EVC2: variants seen among roughly 807,000 people sequenced by gnomAD.
EVC2 encodes limbin.
In EVC2, 148 loss-of-function variants were observed where a neutral mutation model predicts 149.3. The ratio of observed to expected loss-of-function variants is 0.99; its 90% CI spans 0.87 to 1.14. The LOEUF is 1.14. Among genes scored for constraint, EVC2 ranks in the 50% most tolerant of loss-of-function variants. EVC2 has a pLI of 0.00. For missense variants in EVC2, 1,854 were observed against 1,627.3 expected, an observed-to-expected ratio of 1.14 and a Z score of -2.40; for synonymous variants, 776 against 649.9, an observed-to-expected ratio of 1.19 and a Z score of -2.95.
At chr4:5,547,693 C>T (rs1721648246) in intron 21 of EVC2, among the ~76,000 whole-genome samples, 1 of 152,192 alleles carries the variant, frequency 6.6e-6, no homozygotes, top group African/African-American at 2.4e-5. Context: ...CTTCACCTTG[C>T]TTACCCTCCA....
At position 5,618,873 on chromosome 4, in the gene EVC2, T is replaced by A. The variant is rs1715476929; in HGVS notation, c.2502-191A>T. Among the ~76,000 whole-genome samples, 1 of 152,208 alleles carries A rather than the reference T, an allele frequency of 6.6e-6. No individual in the cohort carries two copies. The highest frequency in any genetic ancestry group is 2.4e-5 in the African/African-American group (1 of 41,458). ...ATGCATGTCGTGCTGCATAGGACAT[T>A]GTATTGGAGCTAGGAATGAGAGCTG... On this transcript the variant is annotated intron_variant, in intron 14 of 21. Coordinates refer to ENST00000344408, the MANE Select transcript of EVC2 (RefSeq NM_147127.5). This position sits in a 1 kb window ranked among gnomAD's most constrained non-coding sequence, Gnocchi z 4.4.
At chr4:5,664,887 G>A (rs990186014) in intron 8 of EVC2, among the ~76,000 whole-genome samples, 3 of 151,618 alleles carry the variant, frequency 2.0e-5, no homozygotes, top group African/African-American at 4.9e-5. Flanking sequence ...CTGCGTGTGG[G>A]TGATGGGGTA....
chr4:5,542,953 C>G (rs1721543086), intron 22 of EVC2: 2 of 372,894 alleles, frequency 5.4e-6, no homozygotes, highest in Non-Finnish European at 1.0e-5. Flanking sequence ...TTTCTCTGCC[C>G]TGCAATGTAA....
chr4:5,625,744 T>C lies in EVC2; in HGVS notation c.2046+5A>G, dbSNP rs6850875. 19,819 of 1,614,128 alleles carry C rather than the reference T, an allele frequency of 0.012. 1,875 individuals are homozygous for C. In the African/African-American group the frequency reaches 0.22, roughly 18 times the overall value. On this transcript the variant is annotated splice_donor_5th_base_variant and intron_variant, in intron 13 of 21. Coordinates refer to ENST00000344408, the MANE Select transcript of EVC2 (RefSeq NM_147127.5). The surrounding 1 kb of genome is among the most constrained non-coding windows in gnomAD (Gnocchi z 4.0). ...AAAGAATAAATAGCATCATGCCTTA[T>C]ATACCTTTTGTAGCAACTCTCGTCT...
Position 5,584,767 on chromosome 4 carries a change from C to A in EVC2, c.2913G>T (p.Gln971His). The A allele has an allele frequency of 1.9e-6, 3 of 1,614,198 alleles. No individual in the cohort carries two copies. Among genetic ancestry groups the A allele is most frequent in the Non-Finnish European group, 2.5e-6 (3 of 1,180,036 alleles). ...CGGTCACCCGGGACGCCTTCTGGAA[C>A]TGCAGAGCAACAAGCGACTGTGCAA... ...GGFAQSLVAL[Q>H]FQKASRVTET... Residue 971 changes from glutamine to histidine, a missense_variant, in exon 17 of 22, where the codon CAG (glutamine) becomes CAT (histidine). By Grantham distance (24) the Gln-to-His change is conservative (BLOSUM62 0). Coordinates refer to ENST00000344408, the MANE Select transcript of EVC2 (RefSeq NM_147127.5).
chr4:5,596,098 A>G (rs1713385058), intron 16 of EVC2, among the ~76,000 whole-genome samples: 1 of 152,250 alleles, frequency 6.6e-6, no homozygotes, highest in African/African-American at 2.4e-5. Context: ...AAAGAGACTT[A>G]GACTCCCACA....
At position 5,649,433 on chromosome 4, in the gene EVC2, T is replaced by C. The variant is rs558088618; in HGVS notation, c.1146-8595A>G. 2.0e-5 allele frequency among the ~76,000 whole-genome samples: 3 copies of C among 152,292 alleles called. No homozygotes were observed. The South Asian group carries it at 6.2e-4, about 32-fold the overall frequency. The stretch of plus-strand genomic sequence containing the variant: ...AAGGGAAACAGTACCGCTTAAATTA[T>C]CCAAAAACTGATTAATATTTTGATT... On this transcript the variant is annotated intron_variant, in intron 9 of 21. Transcript: ENST00000344408.
chr4:5,586,785 A>G (rs868020769), intron 16 of EVC2, among the ~76,000 whole-genome samples: 13 of 152,306 alleles, frequency 8.5e-5, no homozygotes, highest in East Asian at 1.9e-4. Flanking sequence ...GGACCAAACC[A>G]ATGTACATCT....
chr4:5,618,210 C>T lies in EVC2; in HGVS notation c.2706+268G>A, dbSNP rs183231166. ...AGCTTCCCTCAGGAGATTGTGGCTG[C>T]GCAAGGCTGACACAGCTGCTGGTGG... On this transcript the variant is annotated intron_variant, in intron 15 of 21. Transcript: ENST00000344408. The surrounding 1 kb of genome is among the most constrained non-coding windows in gnomAD (Gnocchi z 4.4). Among the ~76,000 whole-genome samples, 1,111 of 152,254 alleles carry T rather than the reference C, an allele frequency of 7.3e-3. 9 individuals carry two copies. Among genetic ancestry groups the T allele is most frequent in the South Asian group, 0.024 (114 of 4,824 alleles).
At position 5,637,960 on chromosome 4, in the gene EVC2, T is replaced by A. The variant is rs1717003442; in HGVS notation, c.1470+2554A>T. Among the ~76,000 whole-genome samples the A allele has an allele frequency of 6.6e-6, 1 of 152,106 alleles. No homozygotes were observed. Among genetic ancestry groups the A allele is most frequent in the Non-Finnish European group, 1.5e-5 (1 of 68,006 alleles). On this transcript the variant is annotated intron_variant, in intron 10 of 21. Transcript: ENST00000344408. The surrounding 1 kb of genome is among the most constrained non-coding windows in gnomAD (Gnocchi z 4.4). ...TGATTTTTAAAACTCTTTAAAAATG[T>A]AAAAAAACATTCTCAACTTGCAGGC...
intron 21 of EVC2, among the ~76,000 whole-genome samples, chr4:5,549,264 C>A (rs922562042): frequency 6.6e-6 from 1 of 152,178 alleles, no homozygotes; most frequent in African/African-American, 2.4e-5. Flanking sequence ...TACCCGGGTA[C>A]GGGAGTTTGC....
rs541891921 is a variant in EVC2 at position 5,621,490 on chromosome 4, C to T, written c.2501+1047G>A. ...TCCTGGGTCTTTTGGTCTACATTGC[C>T]CATGTCTCATTCTACATTGGCTAGG... On this transcript the variant is annotated intron_variant, in intron 14 of 21. Coordinates refer to ENST00000344408, the MANE Select transcript of EVC2 (RefSeq NM_147127.5). Among the ~76,000 whole-genome samples the T allele has an allele frequency of 9.2e-5, 14 of 152,286 alleles. No homozygotes were observed. In the South Asian group the frequency reaches 2.7e-3, roughly 29 times the overall value.
chr4:5,705,779 G>T (rs958453471), intron 1 of EVC2, among the ~76,000 whole-genome samples: 3 of 152,040 alleles, frequency 2.0e-5, no homozygotes, highest in East Asian at 1.9e-4. Context: ...TAATACCTCA[G>T]TATTACTGTG....
chr4:5,596,533 C>G (rs537421751), intron 16 of EVC2, among the ~76,000 whole-genome samples: 6 of 152,176 alleles, frequency 3.9e-5, no homozygotes, highest in Non-Finnish European at 8.8e-5. Context: ...AGAACAAAGA[C>G]ACAACATACC....
intron 4 of EVC2, among the ~76,000 whole-genome samples, chr4:5,690,140 C>T (rs1368662759): frequency 2.0e-5 from 3 of 152,214 alleles, no homozygotes; most frequent in Admixed American, 6.5e-5. Flanking sequence ...TGCATGTGCA[C>T]ACACTTATAA....
intron 9 of EVC2, among the ~76,000 whole-genome samples, chr4:5,658,439 T>G (rs1718670822): frequency 6.6e-6 from 1 of 152,112 alleles, no homozygotes; most frequent in Non-Finnish European, 1.5e-5. Context: ...GGTTGGCACA[T>G]AAAAAACTAC....
intron 21 of EVC2, chr4:5,543,241 C>G: frequency 7.8e-7 from 1 of 1,283,204 alleles, no homozygotes; most frequent in Non-Finnish European, 1.0e-6. Flanking sequence ...CTGGTCTAAC[C>G]AAAGTCTCTC....
At chr4:5,703,362 G>C (rs13132044) in intron 1 of EVC2, among the ~76,000 whole-genome samples, 56,645 of 152,158 alleles carry the variant, frequency 0.37, 12,504 homozygotes, top group East Asian at 0.57. Flanking sequence ...ATGTGAATCT[G>C]AAAGCTGGAC....
chr4:5,596,059 A>T (rs1031586919), intron 16 of EVC2, among the ~76,000 whole-genome samples: 8 of 152,340 alleles, frequency 5.3e-5, no homozygotes, highest in African/African-American at 1.9e-4. Context: ...GAGCACCCAG[A>T]TTCATAAAGC....
Sources: gnomAD v4.1 joint callset for allele counts (sites outside exome capture counted in the v4.1 genomes callset) on GRCh38, gnomAD v4.1.1 for gene constraint, Gnocchi (gnomAD v3.1) non-coding constraint, MANE v1.5 for transcripts, NCBI Gene and HGNC (gene_info 2026-07-23, HGNC 2026-07-21) for gene names.